TPRG1: variants seen among roughly 807,000 people sequenced by gnomAD.
TPRG1 encodes tumor protein p63 regulated 1.
A neutral mutation model predicts 29.3 loss-of-function variants in TPRG1; 29 were observed. That is an observed-to-expected ratio of 0.99 (90% CI 0.74 to 1.35). TPRG1 has a LOEUF of 1.35. Ranked by LOEUF, TPRG1 falls within the 40% of genes most tolerant of loss-of-function variation. TPRG1 has a pLI of 0.00. For synonymous variants in TPRG1, 130 were observed against 116.8 expected (o/e 1.11, Z -0.73); for missense variants, 327 against 335.0 (o/e 0.98, Z 0.19).
At chr3:189,109,227 G>T (rs1720197952) in intron 1 of TPRG1, among the ~76,000 whole-genome samples, 1 of 152,110 alleles carries the variant, frequency 6.6e-6, no homozygotes, top group Non-Finnish European at 1.5e-5. Context: ...CCGGAGGAAG[G>T]ATTCTGCCTT....
chr3:189,227,930 T>C (rs1578922845), intron 3 of TPRG1, among the ~76,000 whole-genome samples: 1 of 152,154 alleles, frequency 6.6e-6, no homozygotes. Flanking sequence ...GCGACCAGCC[T>C]GGACAACATG....
intron 5 of TPRG1, among the ~76,000 whole-genome samples, chr3:189,159,650 G>T (rs1727188199): frequency 1.3e-5 from 2 of 152,100 alleles, no homozygotes; most frequent in South Asian, 4.1e-4. Flanking sequence ...TCCCAAACTG[G>T]AATGATCTGA....
chr3:189,161,471 T>A (rs572762310), intron 5 of TPRG1, among the ~76,000 whole-genome samples: 92 of 103,912 alleles, frequency 8.9e-4, no homozygotes, highest in East Asian at 3.6e-3. Context: ...GTTCTTTTTT[T>A]TTATTATTAT....
rs142479334 is a variant in TPRG1 at position 189,202,159 on chromosome 3, G to T, written c.-9-5217G>T. ...CTCTGAGAAACAAACATTTACCGGG[G>T]GCCAACTATGGTGGATCTGTCTTTG... On this transcript the variant is annotated intron_variant, in intron 1 of 5. Transcript: ENST00000345063. Among the ~76,000 whole-genome samples, 26 of 152,136 alleles carry T rather than the reference G, an allele frequency of 1.7e-4. No individual in the cohort carries two copies. The East Asian group carries it at 4.8e-3, about 28-fold the overall frequency.
intron 3 of TPRG1, among the ~76,000 whole-genome samples, chr3:189,238,519 T>C (rs1365922002): frequency 1.3e-5 from 2 of 152,150 alleles, no homozygotes; most frequent in African/African-American, 2.4e-5. Flanking sequence ...TCTGGGATGA[T>C]AAAATATTTC....
intron 4 of TPRG1, among the ~76,000 whole-genome samples, chr3:189,279,098 C>T (rs1376991503): frequency 6.6e-6 from 1 of 152,212 alleles, no homozygotes; most frequent in African/African-American, 2.4e-5. Flanking sequence ...CAACTGCTAA[C>T]TCTGATGTTG....
At chr3:189,231,516 A>G (rs961377522) in intron 3 of TPRG1, among the ~76,000 whole-genome samples, 4 of 152,076 alleles carry the variant, frequency 2.6e-5, no homozygotes, top group Non-Finnish European at 5.9e-5. Flanking sequence ...ATAACCAACA[A>G]TATTTGAACA....
At chr3:189,277,108 G>A (rs927485127) in intron 4 of TPRG1, among the ~76,000 whole-genome samples, 2 of 152,148 alleles carry the variant, frequency 1.3e-5, no homozygotes, top group African/African-American at 2.4e-5. Context: ...AAAGATAGAG[G>A]AAGTAACATG....
intron 4 of TPRG1, among the ~76,000 whole-genome samples, chr3:189,295,245 T>C (rs1462971264): frequency 1.3e-5 from 2 of 152,186 alleles, no homozygotes. Context: ...AGAACCCGTA[T>C]CTTTCCTAGT....
chr3:189,084,089 T>G (rs1283663381), intron 4 of TPRG1, among the ~76,000 whole-genome samples: 26 of 151,560 alleles, frequency 1.7e-4, no homozygotes, highest in Non-Finnish European at 2.9e-5. Flanking sequence ...AGGCGGAGGT[T>G]GCAGTGAGCC....
intron 4 of TPRG1, among the ~76,000 whole-genome samples, chr3:189,298,060 G>A (rs1284538773): frequency 2.6e-5 from 4 of 152,072 alleles, no homozygotes; most frequent in African/African-American, 9.7e-5. Flanking sequence ...TGTATGCAAA[G>A]CAATATTATT....
chr3:189,081,013 A>C (rs1717556090), intron 4 of TPRG1, among the ~76,000 whole-genome samples: 1 of 152,200 alleles, frequency 6.6e-6, no homozygotes, highest in Non-Finnish European at 1.5e-5. Context: ...GCAGGTGTAG[A>C]GATGAATATT....
At chr3:189,098,775 A>G (rs529412208), upstream of TPRG1, among the ~76,000 whole-genome samples, 3 of 152,304 alleles carry the variant, frequency 2.0e-5, no homozygotes, top group South Asian at 4.1e-4. Flanking sequence ...TGGTTTCACC[A>G]TCATTGCCTT....
intron 4 of TPRG1, among the ~76,000 whole-genome samples, chr3:189,286,108 CA>C (rs1361568918): frequency 6.6e-6 from 1 of 151,884 alleles, no homozygotes; most frequent in East Asian, 1.9e-4. Flanking sequence ...TTTAAAATGC[CA>C]AAAAAATGCT....
At chr3:189,138,657 T>C (rs756058072) in intron 3 of TPRG1, among the ~76,000 whole-genome samples, 5 of 152,242 alleles carry the variant, frequency 3.3e-5, no homozygotes, top group Non-Finnish European at 7.3e-5. Flanking sequence ...TCCATATGTA[T>C]GCCTTTGGCT....
chr3:189,119,142 G>A (rs910149319), intron 1 of TPRG1, among the ~76,000 whole-genome samples: 12 of 152,242 alleles, frequency 7.9e-5, no homozygotes, highest in East Asian at 1.9e-4. Context: ...TCAGTGTGAC[G>A]TGGATGTGAG....
chr3:189,105,551 G>A (rs1318175133), intron 1 of TPRG1, among the ~76,000 whole-genome samples: 3 of 145,732 alleles, frequency 2.1e-5, no homozygotes, highest in Non-Finnish European at 4.4e-5. Context: ...AGTTTGAGTA[G>A]GTATGTGGTA....
rs570847427 is a variant in TPRG1 at position 189,012,204 on chromosome 3, T to C, written c.-660+7444T>C. Among the ~76,000 whole-genome samples the C allele has an allele frequency of 6.6e-5, 10 of 152,352 alleles. No homozygotes were observed. In the South Asian group the frequency reaches 1.9e-3, roughly 28 times the overall value. On this transcript the variant is annotated intron_variant, in intron 3 of 10. Transcript: ENST00000433971. ...AGTAGTGAGACAGAGCAACCTTGTG[T>C]TGTGCTGGTTTTCAAGAAGAATGCT...
chr3:189,132,538 A>T (rs927935074), exon 3 of TPRG1: 2 of 152,192 alleles, frequency 1.3e-5, no homozygotes, highest in African/African-American at 4.8e-5. Context: ...GCTTTACTGG[A>T]TGAGTCACCA....
Sources: gnomAD v4.1 joint callset for allele counts (sites outside exome capture counted in the v4.1 genomes callset) on GRCh38, gnomAD v4.1.1 for gene constraint, MANE v1.5 for transcripts, NCBI Gene and HGNC (gene_info 2026-07-23, HGNC 2026-07-21) for gene names.